The following ROBO2 variants were observed in gnomAD, a reference collection of about 807,000 sequenced individuals.
ROBO2 encodes the protein roundabout guidance receptor 2, also known as roundabout homolog 2.
A neutral mutation model predicts 160.8 loss-of-function variants in ROBO2; 53 were observed. That is an observed-to-expected ratio of 0.33 (90% CI 0.26 to 0.41). ROBO2 has a LOEUF of 0.41. Ranked by LOEUF, ROBO2 falls within the 10% of genes least tolerant of loss-of-function variation. ROBO2 has a pLI of 1.00. For synonymous variants in ROBO2, 664 were observed against 611.7 expected (o/e 1.09, Z -1.26); for missense variants, 1,577 against 1,722.4 (o/e 0.92, Z 1.49).
At chr3:75,944,427 G>A (rs1486236089) in intron 2 of ROBO2, among the ~76,000 whole-genome samples, 2 of 152,000 alleles carry the variant, frequency 1.3e-5, no homozygotes, top group East Asian at 3.9e-4. Flanking sequence ...ACAAGCTCTG[G>A]AATCACTTGT....
chr3:76,473,075 A>C (rs1460827633), intron 2 of ROBO2, among the ~76,000 whole-genome samples: 3 of 152,198 alleles, frequency 2.0e-5, no homozygotes, highest in Non-Finnish European at 4.4e-5. Context: ...AGGAACTGTC[A>C]AAATGAATGC....
chr3:76,303,345 G>A (rs2071168095), intron 2 of ROBO2, among the ~76,000 whole-genome samples: 1 of 151,986 alleles, frequency 6.6e-6, no homozygotes, highest in Non-Finnish European at 1.5e-5. Flanking sequence ...CTTTAATTGT[G>A]TGTGTGTGTG....
At chr3:76,118,515 G>T (rs550485388) in intron 2 of ROBO2, among the ~76,000 whole-genome samples, 1 of 152,278 alleles carries the variant, frequency 6.6e-6, no homozygotes, top group South Asian at 2.1e-4. Flanking sequence ...GAGATTCTCA[G>T]ATTCTTTCCC....
intron 2 of ROBO2, among the ~76,000 whole-genome samples, chr3:77,310,502 A>G (rs1048260758): frequency 1.8e-4 from 28 of 152,274 alleles, no homozygotes; most frequent in African/African-American, 6.7e-4. Flanking sequence ...ATATAAGAAA[A>G]GATTGATCTT....
intron 1 of ROBO2, among the ~76,000 whole-genome samples, chr3:77,093,304 T>G (rs2070577112): frequency 6.6e-6 from 1 of 152,208 alleles, no homozygotes; most frequent in Non-Finnish European, 1.5e-5. Context: ...GTCCAAAATG[T>G]TGAGGTTGAG....
chr3:76,623,716 G>C (rs1371921763), intron 2 of ROBO2, among the ~76,000 whole-genome samples: 1 of 152,134 alleles, frequency 6.6e-6, no homozygotes, highest in Non-Finnish European at 1.5e-5. Context: ...GATACCATTT[G>C]CATTGAGTAC....
intron 2 of ROBO2, among the ~76,000 whole-genome samples, chr3:76,628,537 A>G (rs1481835467): frequency 1.3e-5 from 2 of 151,460 alleles, no homozygotes; most frequent in African/African-American, 2.4e-5. Flanking sequence ...TGCTGAGATT[A>G]AAGGTGTGAA....
At chr3:77,477,598 G>A in intron 3 of ROBO2, 27 bp downstream of exon 3, 1 of 1,606,240 alleles carries the variant, frequency 6.2e-7, no homozygotes, top group Non-Finnish European at 8.5e-7. Flanking sequence ...TCATGGCCCA[G>A]AGAGATTGAA....
intron 21 of ROBO2, among the ~76,000 whole-genome samples, chr3:77,615,196 T>C (rs1428350334): frequency 1.3e-5 from 2 of 152,128 alleles, no homozygotes; most frequent in Non-Finnish European, 2.9e-5. Flanking sequence ...AAATAAAGTT[T>C]ATTTTTACAT....
At chr3:76,989,994 C>G (rs72902047) in intron 2 of ROBO2, among the ~76,000 whole-genome samples, 17 of 151,986 alleles carry the variant, frequency 1.1e-4, no homozygotes, top group African/African-American at 3.6e-4. Flanking sequence ...ATGTTTTAGA[C>G]CTTGAGATCT....
At chr3:76,799,310 A>G (rs1018066779) in intron 2 of ROBO2, among the ~76,000 whole-genome samples, 4 of 152,182 alleles carry the variant, frequency 2.6e-5, no homozygotes, top group African/African-American at 9.6e-5. Flanking sequence ...TTCATCTAAG[A>G]TCTTGAACAA....
chr3:76,135,134 AT>A (rs1449102006), intron 2 of ROBO2, among the ~76,000 whole-genome samples: 1 of 152,048 alleles, frequency 6.6e-6, no homozygotes, highest in Non-Finnish European at 1.5e-5. Context: ...GTGGGGCAAG[AT>A]TCTGGGATAC....
At chr3:77,319,707 A>C (rs569300668) in intron 2 of ROBO2, among the ~76,000 whole-genome samples, 1 of 152,196 alleles carries the variant, frequency 6.6e-6, no homozygotes, top group Non-Finnish European at 1.5e-5. Flanking sequence ...TTCAATATGA[A>C]CTTATTCAAA....
chr3:77,219,480 A>C (rs1470027881), intron 2 of ROBO2, among the ~76,000 whole-genome samples: 2 of 131,096 alleles, frequency 1.5e-5, no homozygotes, highest in African/African-American at 5.6e-5. Context: ...ATATATATAT[A>C]TATAATCTGT....
At chr3:76,266,028 G>C (rs1707080955) in intron 2 of ROBO2, among the ~76,000 whole-genome samples, 1 of 152,198 alleles carries the variant, frequency 6.6e-6, no homozygotes, top group Admixed American at 6.5e-5. Context: ...GAAATTGAAG[G>C]TTTTCAACTA....
chr3:77,216,178 G>T (rs967010982), intron 2 of ROBO2, among the ~76,000 whole-genome samples: 1 of 152,098 alleles, frequency 6.6e-6, no homozygotes, highest in Non-Finnish European at 1.5e-5. Context: ...CCAGAGGTGG[G>T]GTCTACAGAG....
rs188786825 is a variant in ROBO2, at chr3:76,434,815, A to G, written c.109+497213A>G. The G allele has an allele frequency of 1.5e-4, 226 of 1,508,548 alleles. 1 individual carries two copies. The African/African-American group carries it at 2.8e-3, about 19-fold the overall frequency. 93.4% of individuals were successfully genotyped at this position (1,508,548 alleles called of 1,614,324 possible). Reference sequence around the variant, plus strand: ...GGGGAGAGCATCACACATGCCCTGAATCATGTATCTGATGACATGAAGACT... The same window carrying G: ...GGGGAGAGCATCACACATGCCCTGAGTCATGTATCTGATGACATGAAGACT... On this transcript the variant is annotated intron_variant, in intron 2 of 26. Transcript: ENST00000487694.
intron 2 of ROBO2, among the ~76,000 whole-genome samples, chr3:76,962,959 A>G (rs1328696833): frequency 6.6e-6 from 1 of 152,228 alleles, no homozygotes; most frequent in South Asian, 2.1e-4. Context: ...TGAGTTTTTA[A>G]AATGATTTAC....
At chr3:75,955,322 A>G (rs1948683970) in intron 2 of ROBO2, among the ~76,000 whole-genome samples, 1 of 151,838 alleles carries the variant, frequency 6.6e-6, no homozygotes, top group Non-Finnish European at 1.5e-5. Flanking sequence ...TCATTTTGAA[A>G]TAGAACTTTG....
Sources: allele counts gnomAD v4.1 joint callset (sites outside exome capture counted in the v4.1 genomes callset), GRCh38; gene constraint gnomAD v4.1.1; transcripts MANE v1.5; gene names NCBI Gene and HGNC (gene_info 2026-07-23, HGNC 2026-07-21).